PTPN14: variants seen among roughly 807,000 people sequenced by gnomAD.
PTPN14 encodes tyrosine-protein phosphatase non-receptor type 14.
In PTPN14, 53 loss-of-function variants were observed where a neutral mutation model predicts 126.8. That is an observed-to-expected ratio of 0.42 (90% CI 0.34 to 0.53). PTPN14 has a LOEUF of 0.53. PTPN14 is among the 20% of genes least tolerant of loss of function. The pLI is 0.08. For synonymous variants in PTPN14, 630 were observed against 599.3 expected (o/e 1.05, Z -0.75); for missense variants, 1,257 against 1,552.9 (o/e 0.81, Z 3.20).
intron 17 of PTPN14, among the ~76,000 whole-genome samples, chr1:214,368,196 T>TTTTTTTAATTAATTTATTTATTTA (rs1553258933): frequency 2.1e-5 from 3 of 146,236 alleles, no homozygotes; most frequent in African/African-American, 7.6e-5. Context: ...TGTTATTCGT[T>TTTTTTTAATTAATTTATTTATTTA]TTTATTTATT....
At chr1:214,422,949 A>G (rs1659576882) in intron 3 of PTPN14, among the ~76,000 whole-genome samples, 1 of 152,164 alleles carries the variant, frequency 6.6e-6, no homozygotes, top group African/African-American at 2.4e-5. Flanking sequence ...GAGGCAATGG[A>G]AGTAAATACT....
At chr1:214,417,802 T>G (rs1215672583) in intron 3 of PTPN14, among the ~76,000 whole-genome samples, 1 of 152,120 alleles carries the variant, frequency 6.6e-6, no homozygotes, top group Non-Finnish European at 1.5e-5. Flanking sequence ...ACGTGTTGCT[T>G]TTAAAATATT....
intron 2 of PTPN14, among the ~76,000 whole-genome samples, chr1:214,453,232 T>C (rs1660307993): frequency 6.6e-6 from 1 of 152,248 alleles, no homozygotes; most frequent in African/African-American, 2.4e-5. Flanking sequence ...GCCAAGGTTA[T>C]ATTTCTATCA....
At position 214,350,606 on chromosome 1, in the gene PTPN14, T is replaced by G. The variant is rs1256399982; in HGVS notation, c.*7316A>C. ...CCCAGGCTGGAGTGCAGTGGCATGA[T>G]CTCGGCTCACTGCAACCTCCACCTC... On this transcript the variant is annotated 3_prime_UTR_variant, in exon 19 of 19. Coordinates refer to ENST00000366956, the MANE Select transcript of PTPN14 (RefSeq NM_005401.5). The G allele has an allele frequency of 2.0e-5, 3 of 147,256 alleles. No individual in the cohort carries two copies. The highest frequency in any genetic ancestry group is 7.6e-5 in the African/African-American group (3 of 39,640). 9.1% of individuals were successfully genotyped at this position (147,256 alleles called of 1,614,324 possible).
intron 1 of PTPN14, among the ~76,000 whole-genome samples, chr1:214,544,399 C>T (rs1655916029): frequency 6.6e-6 from 1 of 151,982 alleles, no homozygotes; most frequent in African/African-American, 2.4e-5. Context: ...CACTGCACTC[C>T]AGCCTTGGTG....
intron 1 of PTPN14, among the ~76,000 whole-genome samples, chr1:214,525,915 T>C (rs938171225): frequency 6.6e-6 from 1 of 152,000 alleles, no homozygotes; most frequent in Non-Finnish European, 1.5e-5. Flanking sequence ...CAGAGTAGTT[T>C]CATCTTACAT....
At chr1:214,359,980 C>T (rs1657916486) in intron 18 of PTPN14, among the ~76,000 whole-genome samples, 1 of 152,096 alleles carries the variant, frequency 6.6e-6, no homozygotes, top group African/African-American at 2.4e-5. Context: ...TGTCCTCTCC[C>T]CTCACCTTCA....
intron 3 of PTPN14, among the ~76,000 whole-genome samples, chr1:214,418,432 G>C (rs78985440): frequency 0.011 from 1,647 of 152,364 alleles, 36 homozygotes; most frequent in African/African-American, 0.038. Context: ...CAACTGTGTT[G>C]AGGGAGGAGA....
chr1:214,385,303 G>A (rs1436422436), intron 12 of PTPN14, among the ~76,000 whole-genome samples: 13 of 152,180 alleles, frequency 8.5e-5, no homozygotes, highest in Admixed American at 8.5e-4. Flanking sequence ...AAATGATGTA[G>A]CCAGGGTGTC....
intron 2 of PTPN14, 41 bp from the exon 3 acceptor site, chr1:214,452,015 C>T: frequency 1.9e-6 from 3 of 1,578,760 alleles, no homozygotes; most frequent in Non-Finnish European, 1.7e-6. Flanking sequence ...ATGCTCACCA[C>T]AAGCATCCCA....
intron 17 of PTPN14, among the ~76,000 whole-genome samples, chr1:214,367,889 G>A (rs755627690): frequency 2.6e-5 from 4 of 152,334 alleles, no homozygotes; most frequent in African/African-American, 4.8e-5. Context: ...CTCAGAGCCC[G>A]ATCCAGTGCC....
chr1:214,477,790 A>C (rs796772045), intron 1 of PTPN14, among the ~76,000 whole-genome samples: 8 of 152,208 alleles, frequency 5.3e-5, no homozygotes, highest in African/African-American at 1.9e-4. Flanking sequence ...AGCTCTTAAA[A>C]ACTGCAAGAC....
chr1:214,459,162 T>TC (rs1229790526), intron 2 of PTPN14, among the ~76,000 whole-genome samples: 1 of 150,742 alleles, frequency 6.6e-6, no homozygotes, highest in Non-Finnish European at 1.5e-5. Context: ...TTTTTTTTTT[T>TC]TTGAGACAGA....
chr1:214,362,746 T>C (rs56738377), intron 18 of PTPN14, among the ~76,000 whole-genome samples: 5,603 of 152,228 alleles, frequency 0.037, 193 homozygotes, highest in African/African-American at 0.089. Context: ...CTTACGCCTG[T>C]AATCCCATCA....
intron 1 of PTPN14, among the ~76,000 whole-genome samples, chr1:214,508,930 G>C (rs751506477): frequency 6.6e-6 from 1 of 152,188 alleles, no homozygotes; most frequent in Non-Finnish European, 1.5e-5. Context: ...TGTTAGAGCC[G>C]TAGGTCTCAA....
intron 1 of PTPN14, among the ~76,000 whole-genome samples, chr1:214,523,350 C>T (rs920270268): frequency 1.3e-5 from 2 of 152,132 alleles, no homozygotes; most frequent in African/African-American, 4.8e-5. Flanking sequence ...AATGACGGAC[C>T]ACATACACGA....
intron 1 of PTPN14, among the ~76,000 whole-genome samples, chr1:214,496,725 A>T (rs1374076583): frequency 6.6e-6 from 1 of 152,196 alleles, no homozygotes; most frequent in Non-Finnish European, 1.5e-5. Flanking sequence ...AGTCCTAAAG[A>T]ACAATTTATC....
intron 1 of PTPN14, among the ~76,000 whole-genome samples, chr1:214,490,474 G>A (rs747563064): frequency 5.5e-4 from 83 of 152,132 alleles, no homozygotes; most frequent in Non-Finnish European, 1.1e-3. Flanking sequence ...TAGGACAAAC[G>A]AGTGTCTCTC....
chr1:214,520,065 AAT>A lies in PTPN14; in HGVS notation c.-155+31116_-155+31117del, dbSNP rs1553274995. 1.0e-3 allele frequency among the ~76,000 whole-genome samples: 71 copies of A among 71,110 alleles called. 2 individuals are homozygous for A. Among genetic ancestry groups the A allele is most frequent in the African/African-American group, 4.3e-3 (59 of 13,690 alleles). 46.7% of individuals were successfully genotyped at this position (71,110 alleles called of 152,430 possible). A position where few individuals can be genotyped will look rare whatever the true frequency, so the allele number is the denominator to read the frequency against. ...CCTGTCTCAAAAAAAAAAAAAAAAA[AAT>A]ATATATATATATATATGCAGAATAT... is the stretch of plus-strand genomic sequence containing the variant. On this transcript the variant is annotated intron_variant, in intron 1 of 18. Coordinates refer to ENST00000366956, the MANE Select transcript of PTPN14 (RefSeq NM_005401.5).
Sources: allele counts gnomAD v4.1 joint callset (sites outside exome capture counted in the v4.1 genomes callset), GRCh38; gene constraint gnomAD v4.1.1; transcripts MANE v1.5; gene names NCBI Gene and HGNC (gene_info 2026-07-23, HGNC 2026-07-21).